DCDC2C: variants seen among roughly 807,000 people sequenced by gnomAD.
DCDC2C encodes doublecortin domain containing 2C.
A neutral mutation model predicts 45.0 loss-of-function variants in DCDC2C; 44 were observed. The ratio of observed to expected loss-of-function variants is 0.98; its 90% CI spans 0.77 to 1.26. The LOEUF is 1.26. Ranked by LOEUF, DCDC2C falls within the 50% of genes most tolerant of loss-of-function variation. DCDC2C has a pLI of 0.00. For missense variants in DCDC2C, 447 were observed against 468.9 expected (o/e 0.95, Z 0.43); for synonymous variants, 187 against 178.8 (o/e 1.05, Z -0.37).
intron 2 of DCDC2C, among the ~76,000 whole-genome samples, chr2:3,718,137 C>T (rs1255540848): frequency 1.3e-5 from 2 of 152,238 alleles, no homozygotes; most frequent in Non-Finnish European, 2.9e-5. Flanking sequence ...AGCACAGTTC[C>T]TACCATCAGA....
chr2:3,763,298 C>T (rs947189665), intron 6 of DCDC2C, among the ~76,000 whole-genome samples: 2 of 152,214 alleles, frequency 1.3e-5, no homozygotes, highest in Non-Finnish European at 2.9e-5. Flanking sequence ...TTCTATCGCA[C>T]CTCAGAGAGA....
intron 3 of DCDC2C, among the ~76,000 whole-genome samples, chr2:3,731,251 G>A (rs1396647212): frequency 6.6e-6 from 1 of 152,178 alleles, no homozygotes; most frequent in Admixed American, 6.5e-5. Context: ...ACCCACTTAA[G>A]ACGGCTTCCC....
intron 3 of DCDC2C, among the ~76,000 whole-genome samples, chr2:3,729,800 C>T (rs1442963002): frequency 2.0e-5 from 3 of 152,080 alleles, no homozygotes; most frequent in Non-Finnish European, 1.5e-5. Flanking sequence ...TCCTGGCAGC[C>T]CTGGGTTTTC....
intron 2 of DCDC2C, among the ~76,000 whole-genome samples, chr2:3,708,806 G>A (rs1033186439): frequency 6.6e-6 from 1 of 152,246 alleles, no homozygotes; most frequent in Non-Finnish European, 1.5e-5. Context: ...AGTGAAGAGA[G>A]GCTAAGATGT....
At chr2:3,713,439 C>A (rs10194442) in intron 2 of DCDC2C, among the ~76,000 whole-genome samples, 3 of 151,896 alleles carry the variant, frequency 2.0e-5, no homozygotes, top group South Asian at 2.1e-4. Flanking sequence ...GGCCTTCCCC[C>A]CTCTGCTGCT....
intron 10 of DCDC2C, among the ~76,000 whole-genome samples, chr2:3,813,039 G>GTATATATATATATATATATATA (rs202152340): frequency 1.5e-4 from 13 of 87,406 alleles, no homozygotes; most frequent in Admixed American, 2.6e-4. Context: ...TGAGAAGAAC[G>GTATATATATATATATATATATA]TATATATATA....
At chr2:3,817,409 C>T (rs1209372044) in intron 10 of DCDC2C, among the ~76,000 whole-genome samples, 3 of 152,156 alleles carry the variant, frequency 2.0e-5, no homozygotes, top group Non-Finnish European at 4.4e-5. Context: ...CTCACAGTCC[C>T]TTTGCAAGAG....
rs906653078 is a variant in DCDC2C at position 3,778,849 on chromosome 2, A to G, written c.988A>G (p.Ile330Val). 6.4e-7 allele frequency: 1 copy of G among 1,551,106 alleles called. No individual in the cohort carries two copies. The highest frequency in any genetic ancestry group is 2.0e-5 in the Admixed American group (1 of 50,996). The change falls in exon 9 of 11, where the codon ATA becomes GTA. Residue 330 changes from isoleucine (I) to valine (V), a missense_variant. Ile to Val is a conservative substitution (Grantham distance 29, BLOSUM62 3). Transcript: ENST00000399143. ...QAEIVKEDEE[I>V]HENTPDFEGN... ...TGAGATAGTTAAAGAAGATGAAGAG[A>G]TACATGAGAACACCCCTGATTTTGA...
chr2:3,703,604 T>TCCCGTC lies in DCDC2C; in HGVS notation c.-139_-134dup, dbSNP rs1667931508. ...CCGTCCCGTCCCCGTCCAGCCCCCG[T>TCCCGTC]CCCGTCCCCGTCCCGTCCCCGTCCT... On this transcript the variant is annotated 5_prime_UTR_variant, in exon 1 of 11. Coordinates refer to ENST00000399143, the MANE Select transcript of DCDC2C (RefSeq NM_001287444.2). This position sits in a 1 kb window ranked among gnomAD's most constrained non-coding sequence, Gnocchi z 4.4. The TCCCGTC allele has an allele frequency of 3.9e-6, 3 of 760,298 alleles. No homozygotes were observed. Among genetic ancestry groups the TCCCGTC allele is most frequent in the Non-Finnish European group, 5.2e-6 (3 of 572,572 alleles). The allele number at this position is 760,298 out of a possible 1,614,324, so 47.1% of individuals were successfully genotyped here.
chr2:3,836,837 G>A, intron 10 of DCDC2C, among the ~76,000 whole-genome samples: 1 of 148,624 alleles, frequency 6.7e-6, no homozygotes, highest in Non-Finnish European at 1.5e-5. Flanking sequence ...ACTCCAGCCT[G>A]GGCGACAGAG....
At chr2:3,810,807 GTTTTCC>G (rs1267894481) in intron 10 of DCDC2C, among the ~76,000 whole-genome samples, 1 of 152,186 alleles carries the variant, frequency 6.6e-6, no homozygotes, top group East Asian at 1.9e-4. Context: ...TGGCTAGCCA[GTTTTCC>G]TACCACCATT....
chr2:3,830,967 G>A (rs1280083614), intron 10 of DCDC2C, among the ~76,000 whole-genome samples: 1 of 151,988 alleles, frequency 6.6e-6, no homozygotes, highest in Non-Finnish European at 1.5e-5. Context: ...CAGTCTCTTG[G>A]GGTGGATAAT....
chr2:3,745,850 C>T (rs563384892), intron 4 of DCDC2C, among the ~76,000 whole-genome samples: 3 of 151,792 alleles, frequency 2.0e-5, no homozygotes, highest in South Asian at 4.2e-4. Context: ...GTTGGGACTA[C>T]AGGTGTGAGC....
intron 2 of DCDC2C, among the ~76,000 whole-genome samples, chr2:3,722,465 G>A (rs1668527870): frequency 6.6e-6 from 1 of 152,174 alleles, no homozygotes; most frequent in Non-Finnish European, 1.5e-5. Context: ...GATCCATGGT[G>A]GGTATTCAAT....
intron 10 of DCDC2C, among the ~76,000 whole-genome samples, chr2:3,842,894 G>A (rs1047610581): frequency 2.9e-4 from 44 of 152,236 alleles, no homozygotes; most frequent in African/African-American, 8.9e-4. Context: ...GACACATCAC[G>A]TTTCACATCC....
chr2:3,847,107 A>G, intron 10 of DCDC2C, 47 bp from the exon 11 acceptor site: 7 of 1,217,566 alleles, frequency 5.7e-6, no homozygotes, highest in Non-Finnish European at 7.2e-6. Flanking sequence ...TGGCCAGATC[A>G]CAGCTTGAAG....
intron 4 of DCDC2C, among the ~76,000 whole-genome samples, chr2:3,746,621 G>A (rs1399289251): frequency 2.0e-5 from 3 of 152,282 alleles, no homozygotes; most frequent in South Asian, 2.1e-4. Context: ...ACTCTGCACC[G>A]TACACTATTC....
chr2:3,798,023 C>G (rs1490819123), intron 10 of DCDC2C, among the ~76,000 whole-genome samples: 2 of 151,990 alleles, frequency 1.3e-5, no homozygotes, highest in Non-Finnish European at 2.9e-5. Flanking sequence ...TTGTAGGTCA[C>G]TCAGGACTTG....
At chr2:3,733,727 C>G (rs986412182) in intron 3 of DCDC2C, among the ~76,000 whole-genome samples, 1 of 152,206 alleles carries the variant, frequency 6.6e-6, no homozygotes, top group Non-Finnish European at 1.5e-5. Context: ...CACTCGTGAA[C>G]CTAAGCCCCC....
Sources: gnomAD v4.1 joint callset for allele counts (sites outside exome capture counted in the v4.1 genomes callset) on GRCh38, gnomAD v4.1.1 for gene constraint, Gnocchi (gnomAD v3.1) non-coding constraint, MANE v1.5 for transcripts, NCBI Gene and HGNC (gene_info 2026-07-23, HGNC 2026-07-21) for gene names.